The following TMEM132D variants were observed in gnomAD, a reference collection of about 807,000 sequenced individuals.
TMEM132D encodes mature OL transmembrane protein.
Under a neutral mutation model 62.3 loss-of-function variants are expected in TMEM132D, and 21 were observed. That is an observed-to-expected ratio of 0.34 (90% CI 0.24 to 0.49). The LOEUF (loss-of-function observed/expected upper bound fraction) is 0.49. TMEM132D is among the 20% of genes least tolerant of loss of function. The pLI, the probability that TMEM132D is intolerant of heterozygous loss-of-function variation, is 0.99. For missense variants in TMEM132D, 1,346 were observed against 1,402.8 expected (o/e 0.96, Z 0.65); for synonymous variants, 621 against 575.6 (o/e 1.08, Z -1.13).
chr12:129,373,644 A>G (rs1305075324), intron 3 of TMEM132D, among the ~76,000 whole-genome samples: 2 of 151,370 alleles, frequency 1.3e-5, no homozygotes, highest in Non-Finnish European at 2.9e-5. Flanking sequence ...CAAACAAAAC[A>G]AAACAAAACA....
intron 3 of TMEM132D, chr12:129,521,826 T>C (rs1401622842): frequency 1.3e-5 from 2 of 152,160 alleles, no homozygotes; most frequent in Non-Finnish European, 2.9e-5. Flanking sequence ...TGGGCTATTA[T>C]GGAAACAGCA....
chr12:129,134,368 C>A (rs1255482772), intron 5 of TMEM132D, among the ~76,000 whole-genome samples: 1 of 152,114 alleles, frequency 6.6e-6, no homozygotes, highest in Non-Finnish European at 1.5e-5. Context: ...TGGTTACAGA[C>A]AAACAGCATG....
chr12:129,558,251 C>G (rs1877117618), intron 2 of TMEM132D, among the ~76,000 whole-genome samples: 1 of 152,194 alleles, frequency 6.6e-6, no homozygotes, highest in African/African-American at 2.4e-5. Flanking sequence ...AGATCACATT[C>G]TGGCTCAGAA....
At chr12:129,161,504 T>C (rs1030565708) in intron 5 of TMEM132D, among the ~76,000 whole-genome samples, 1 of 152,118 alleles carries the variant, frequency 6.6e-6, no homozygotes, top group Non-Finnish European at 1.5e-5. Context: ...TGGTGCAGGG[T>C]TGGAGTGAAG....
chr12:129,339,172 G>A (rs1869385870), intron 3 of TMEM132D, among the ~76,000 whole-genome samples: 1 of 151,992 alleles, frequency 6.6e-6, no homozygotes, highest in Non-Finnish European at 1.5e-5. Flanking sequence ...TTGGGAGGCT[G>A]AGGCATGAGA....
chr12:129,875,567 T>G (rs1175312105), intron 1 of TMEM132D, among the ~76,000 whole-genome samples: 1 of 152,088 alleles, frequency 6.6e-6, no homozygotes, highest in East Asian at 1.9e-4. Context: ...TAACAAATGT[T>G]AAAGGGAGAC....
chr12:129,654,661 T>C (rs1880024473), intron 2 of TMEM132D, among the ~76,000 whole-genome samples: 1 of 152,140 alleles, frequency 6.6e-6, no homozygotes, highest in Non-Finnish European at 1.5e-5. Context: ...TTTCCGGAGG[T>C]GGCAATCATT....
chr12:129,650,706 CATTTA>C (rs1473638026), intron 2 of TMEM132D, among the ~76,000 whole-genome samples: 3 of 152,146 alleles, frequency 2.0e-5, no homozygotes, highest in African/African-American at 7.2e-5. Flanking sequence ...CCATGGCTTT[CATTTA>C]ATTTCTTTGT....
chr12:129,302,440 C>G (rs1056499795), intron 4 of TMEM132D, among the ~76,000 whole-genome samples: 1 of 152,230 alleles, frequency 6.6e-6, no homozygotes, highest in Non-Finnish European at 1.5e-5. Flanking sequence ...ATGGCAAGGC[C>G]AGGATATGTC....
chr12:129,367,988 G>C (rs1386358835), intron 3 of TMEM132D, among the ~76,000 whole-genome samples: 1 of 151,972 alleles, frequency 6.6e-6, no homozygotes, highest in East Asian at 1.9e-4. Context: ...GTTTAGTAGA[G>C]AGCCTGGTTG....
chr12:129,265,500 TCCTC>T (rs753912860), intron 4 of TMEM132D, among the ~76,000 whole-genome samples: 5 of 152,090 alleles, frequency 3.3e-5, no homozygotes, highest in Non-Finnish European at 7.4e-5. Flanking sequence ...TGTCTGCACT[TCCTC>T]ACCCACACCC....
Position 129,082,005 on chromosome 12 carries a change from C to A in TMEM132D, c.1677G>T (p.Glu559Asp), listed in dbSNP as rs374091589. 17 of 1,610,876 alleles carry A rather than the reference C, an allele frequency of 1.1e-5. No individual in the cohort carries two copies. Among genetic ancestry groups the A allele is most frequent in the African/African-American group, 8.0e-5 (6 of 74,860 alleles). The change falls in exon 7 of 9, where the codon GAG becomes GAT. Residue 559 changes from glutamate (E) to aspartate (D), a missense_variant. Transcript: ENST00000422113. ...AGCCGCGGCCCCTCCGCTCATCATC[C>A]TCCTCCTCTTCACTGTCCCCGGCAG... ...RRPAGDSEEE[E>D]DDERRGRGCT...
At chr12:129,197,445 A>G (rs1463678806) in intron 5 of TMEM132D, among the ~76,000 whole-genome samples, 1 of 152,220 alleles carries the variant, frequency 6.6e-6, no homozygotes, top group Non-Finnish European at 1.5e-5. Flanking sequence ...GATAAAAATA[A>G]TACCACTTTC....
At chr12:129,780,268 T>C (rs1871079336) in intron 1 of TMEM132D, among the ~76,000 whole-genome samples, 1 of 149,650 alleles carries the variant, frequency 6.7e-6, no homozygotes, top group Non-Finnish European at 1.5e-5. Flanking sequence ...CCTCCGAGCA[T>C]GAACAGGTGA....
chr12:129,360,292 G>A (rs11060271), intron 3 of TMEM132D, among the ~76,000 whole-genome samples: 49,278 of 152,110 alleles, frequency 0.32, 8,774 homozygotes, highest in Middle Eastern at 0.42. Context: ...TCTAAGATCC[G>A]TAGGTGAGTT....
Position 129,673,295 on chromosome 12 carries a change from G to A in TMEM132D, c.968+26515C>T, listed in dbSNP as rs61485039. On this transcript the variant is annotated intron_variant, in intron 2 of 8. Coordinates refer to ENST00000422113, the MANE Select transcript of TMEM132D (RefSeq NM_133448.3). ...ACTGGCTTCTTTCATTCAGAATGTT[G>A]CCTTTAAAGTTGACTTTTTAAAAAG... Among the ~76,000 whole-genome samples, 84 of 151,672 alleles carry A rather than the reference G, an allele frequency of 5.5e-4. 1 individual carries two copies. The East Asian group carries it at 0.015, about 27-fold the overall frequency.
chr12:129,768,930 T>C (rs920862505), intron 1 of TMEM132D, among the ~76,000 whole-genome samples: 6 of 152,210 alleles, frequency 3.9e-5, no homozygotes, highest in African/African-American at 1.4e-4. Context: ...AGTTCAGTTC[T>C]AAAGGTACCA....
chr12:129,558,822 A>G (rs540027222), intron 2 of TMEM132D, among the ~76,000 whole-genome samples: 2 of 152,316 alleles, frequency 1.3e-5, no homozygotes, highest in African/African-American at 4.8e-5. Flanking sequence ...CTCAATCCCT[A>G]CATTTCAATG....
intron 3 of TMEM132D, among the ~76,000 whole-genome samples, chr12:129,441,919 G>A (rs545387485): frequency 2.0e-5 from 3 of 152,322 alleles, no homozygotes; most frequent in South Asian, 4.1e-4. Context: ...TCTCGCTTAT[G>A]AGAGCGGTGC....
Sources: gnomAD v4.1 joint callset for allele counts (sites outside exome capture counted in the v4.1 genomes callset) on GRCh38, gnomAD v4.1.1 for gene constraint, MANE v1.5 for transcripts, NCBI Gene and HGNC (gene_info 2026-07-23, HGNC 2026-07-21) for gene names.